SMAD7: variants seen among roughly 807,000 people sequenced by gnomAD.
The protein encoded by SMAD7 is SMAD family member 7.
Under a neutral mutation model 38.7 loss-of-function variants are expected in SMAD7, and 8 were observed. The ratio of observed to expected loss-of-function variants is 0.21; its 90% confidence interval spans 0.12 to 0.37. The LOEUF is 0.37. SMAD7 is among the 10% of genes least tolerant of loss of function. The probability of loss-of-function intolerance (pLI) is 1.00; values close to 1 mark genes in which losing one functional copy is unlikely to be tolerated. For missense variants in SMAD7, 477 were observed against 577.9 expected, an observed-to-expected ratio of 0.83 and a Z score of 1.79; for synonymous variants, 327 against 265.1, an observed-to-expected ratio of 1.23 and a Z score of -2.27.
chr18:48,923,510 T>A (rs2069889106), intron 3 of SMAD7, among the ~76,000 whole-genome samples: 1 of 152,206 alleles, frequency 6.6e-6, no homozygotes, highest in East Asian at 1.9e-4. Context: ...CAGCCAGTGT[T>A]GGATGGAGGT....
At chr18:48,931,440 C>T (rs1216754823) in intron 3 of SMAD7, among the ~76,000 whole-genome samples, 2 of 152,180 alleles carry the variant, frequency 1.3e-5, no homozygotes, top group Non-Finnish European at 2.9e-5. Flanking sequence ...TGGGACTGGG[C>T]TTCAGCAAAG....
At chr18:48,926,567 T>C (rs1367000486) in intron 3 of SMAD7, among the ~76,000 whole-genome samples, 1 of 152,148 alleles carries the variant, frequency 6.6e-6, no homozygotes, top group Non-Finnish European at 1.5e-5. Flanking sequence ...GACGGAGAAG[T>C]TGGGGAGGAA....
At chr18:48,935,961 G>C (rs1375378913) in intron 3 of SMAD7, among the ~76,000 whole-genome samples, 1 of 152,030 alleles carries the variant, frequency 6.6e-6, no homozygotes, top group African/African-American at 2.4e-5. Flanking sequence ...TGTAATCCCA[G>C]CTGCTAGGGA....
chr18:48,931,985 C>T (rs574670622), intron 3 of SMAD7, among the ~76,000 whole-genome samples: 2 of 152,202 alleles, frequency 1.3e-5, no homozygotes, highest in South Asian at 2.1e-4. Flanking sequence ...AACAGCCCCC[C>T]CAGCAGGGTT....
chr18:48,940,476 C>G (rs1259774404), intron 3 of SMAD7, among the ~76,000 whole-genome samples: 2 of 150,996 alleles, frequency 1.3e-5, no homozygotes, highest in Non-Finnish European at 3.0e-5. Context: ...ATCGGCCAGG[C>G]GCAGTGGCTC....
Position 48,921,834 on chromosome 18 carries a change from C to T in SMAD7, c.819G>A (p.Val273=), listed in dbSNP as rs1056713525. The change falls in exon 4 of 4, where the codon GTG becomes GTA. Residue 273 remains valine (V), a synonymous_variant. Coordinates refer to ENST00000262158, the MANE Select transcript of SMAD7 (RefSeq NM_005904.4). The surrounding 1 kb of genome is among the most constrained non-coding windows in gnomAD (Gnocchi z 6.4). ...GCTCCTGGACACAGTAGAGCCTCCC[C>T]ACTCTCGTCTTCTCCTCCCAGTATG... ...VVAYWEEKTR[V]GRLYCVQEPS... is the part of the protein sequence containing the mutation. The T allele has an allele frequency of 5.0e-6, 8 of 1,613,774 alleles. No individual in the cohort carries two copies. The highest frequency in any genetic ancestry group is 6.8e-6 in the Non-Finnish European group (8 of 1,179,962).
At position 48,921,748 on chromosome 18, in the gene SMAD7, T is replaced by C. The variant is rs1366824139; in HGVS notation, c.905A>G (p.Asn302Ser). 5.0e-6 allele frequency: 8 copies of C among 1,614,174 alleles called. No individual in the cohort carries two copies. Among genetic ancestry groups the C allele is most frequent in the South Asian group, 2.2e-5 (2 of 91,080 alleles). Residue 302 changes from asparagine to serine, a missense_variant, in exon 4 of 4, where the codon AAT (asparagine) becomes AGT (serine). Around this residue, in one of 2 missense-constraint regions of SMAD7, gnomAD observed 101 missense variants for 198.5 expected, o/e 0.51. Coordinates refer to ENST00000262158, the MANE Select transcript of SMAD7 (RefSeq NM_005904.4). The surrounding 1 kb of genome is among the most constrained non-coding windows in gnomAD (Gnocchi z 6.4). ...CACCAGCTGACTCTTGTTGTCCGAA[T>C]TGAGCTGTCCGAGGCAAAAGCCATT... ...QGNGFCLGQL[N>S]SDNKSQLVQK...
chr18:48,947,897 C>G lies in SMAD7; in HGVS notation c.667+487G>C, dbSNP rs868845939. 1.7e-3 allele frequency among the ~76,000 whole-genome samples: 252 copies of G among 149,310 alleles called. 5 individuals are homozygous for G. The highest frequency in any genetic ancestry group is 5.8e-3 in the African/African-American group (237 of 40,544). ...GACTGGAGCAGGAGGAACCTACCCC[C>G]CCCCCCCTTTTACTGGCTGTTGCCT... On this transcript the variant is annotated intron_variant, in intron 2 of 3. Coordinates refer to ENST00000262158, the MANE Select transcript of SMAD7 (RefSeq NM_005904.4).
chr18:48,950,195 G>C lies in SMAD7; in HGVS notation c.230C>G (p.Pro77Arg). ...RGAKGHHHPH[P>R]PAAGAGAAGG... ...GGCCGCGCCGGCGCCCGCGGCTGGC[G>C]GGTGGGGATGGTGGTGACCTTTGGC... Residue 77 changes from proline to arginine, a missense_variant, in exon 1 of 4, where the codon CCG becomes CGG. By Grantham distance (103) the Pro-to-Arg change is moderately radical. Transcript: ENST00000262158. The C allele has an allele frequency of 6.7e-7, 1 of 1,487,310 alleles. No homozygotes were observed. Among genetic ancestry groups the C allele is most frequent in the Non-Finnish European group, 8.9e-7 (1 of 1,124,620 alleles). The allele number at this position is 1,487,310 out of a possible 1,614,324, so 92.1% of individuals were successfully genotyped here.
chr18:48,950,925 T>G lies in SMAD7; in HGVS notation c.-501A>C, dbSNP rs567260468. ...AGAAGGAAAAAGCCTCTTTCCCCCTTGCTAAGCAACTTAATTTGGGGGTGG... is the reference window on the plus strand; with the variant it reads ...AGAAGGAAAAAGCCTCTTTCCCCCTGGCTAAGCAACTTAATTTGGGGGTGG... On this transcript the variant is annotated 5_prime_UTR_variant, in exon 1 of 4. Transcript: ENST00000262158. Among the ~76,000 whole-genome samples, 1 of 151,584 alleles carries G rather than the reference T, an allele frequency of 6.6e-6. No individual in the cohort carries two copies. The highest frequency in any genetic ancestry group is 1.9e-4 in the East Asian group (1 of 5,152).
chr18:48,943,935 G>A (rs572378691), intron 2 of SMAD7, among the ~76,000 whole-genome samples: 3 of 152,288 alleles, frequency 2.0e-5, no homozygotes, highest in Admixed American at 6.5e-5. Context: ...TCTCCTAAGC[G>A]GGCGAGGGGC....
chr18:48,923,407 C>T (rs543198481), intron 3 of SMAD7, among the ~76,000 whole-genome samples: 1 of 152,324 alleles, frequency 6.6e-6, no homozygotes, highest in East Asian at 1.9e-4. Context: ...CAGCCCAGGA[C>T]ACTAACTGGC....
At chr18:48,938,816 A>C (rs2070101342) in intron 3 of SMAD7, among the ~76,000 whole-genome samples, 1 of 152,184 alleles carries the variant, frequency 6.6e-6, no homozygotes, top group Non-Finnish European at 1.5e-5. Flanking sequence ...AGCTGAGCCT[A>C]GAGGCTTCCC....
intron 3 of SMAD7, among the ~76,000 whole-genome samples, chr18:48,936,030 A>C (rs1000184701): frequency 1.3e-5 from 2 of 150,608 alleles, no homozygotes; most frequent in African/African-American, 4.9e-5. Flanking sequence ...AGCCGAGATC[A>C]CGCCACTGCC....
chr18:48,926,441 G>A (rs1057039376), intron 3 of SMAD7, among the ~76,000 whole-genome samples: 3 of 152,218 alleles, frequency 2.0e-5, no homozygotes, highest in African/African-American at 2.4e-5. Flanking sequence ...GGTCTCCACC[G>A]GCTCTCATCT....
chr18:48,948,932 G>A (rs1012729187), intron 1 of SMAD7, among the ~76,000 whole-genome samples: 2 of 152,268 alleles, frequency 1.3e-5, no homozygotes, highest in South Asian at 4.1e-4. Flanking sequence ...TGGGGAACGT[G>A]GGGGATCTGC....
chr18:48,934,131 G>T (rs528595974), intron 3 of SMAD7, among the ~76,000 whole-genome samples: 1 of 152,282 alleles, frequency 6.6e-6, no homozygotes, highest in Admixed American at 6.5e-5. Context: ...CCACTGTAGG[G>T]CTGTGATAAG....
At chr18:48,928,443 C>A (rs1303975259) in intron 3 of SMAD7, among the ~76,000 whole-genome samples, 4 of 150,906 alleles carry the variant, frequency 2.7e-5, no homozygotes, top group African/African-American at 7.5e-5. Flanking sequence ...CATCTCTAAA[C>A]CAACTTTTTT....
At chr18:48,944,512 GAAGCA>G (rs1335560305) in intron 2 of SMAD7, among the ~76,000 whole-genome samples, 8 of 152,246 alleles carry the variant, frequency 5.3e-5, no homozygotes, top group African/African-American at 1.4e-4. Flanking sequence ...CCCCTGTGAA[GAAGCA>G]AAGTATACCT....
Sources: gnomAD v4.1 joint callset for allele counts (sites outside exome capture counted in the v4.1 genomes callset) on GRCh38, gnomAD v4.1.1 for gene constraint, gnomAD v4.1.1 regional missense constraint, Gnocchi (gnomAD v3.1) non-coding constraint, MANE v1.5 for transcripts, NCBI Gene and HGNC (gene_info 2026-07-23, HGNC 2026-07-21) for gene names.